Variants in NELL2 observed in about 807,000 individuals in gnomAD.
NELL2 encodes neural EGFL like 2, also known as protein kinase C-binding protein NELL2.
A neutral mutation model predicts 109.6 loss-of-function variants in NELL2; 41 were observed. The ratio of observed to expected loss-of-function variants is 0.37; its 90% CI spans 0.29 to 0.49. The LOEUF (loss-of-function observed/expected upper bound fraction) is 0.49, where lower values mean the gene tolerates loss of function less well. Among genes scored for constraint, NELL2 ranks in the 20% least tolerant of loss-of-function variants. NELL2 has a pLI of 0.98. For missense variants in NELL2, 900 were observed against 1,008.3 expected (o/e 0.89, Z 1.45); for synonymous variants, 355 against 344.7 (o/e 1.03, Z -0.33).
chr12:44,648,180 A>G lies in NELL2; in HGVS notation c.1444+17304T>C, dbSNP rs185072606. 8.5e-4 allele frequency among the ~76,000 whole-genome samples: 130 copies of G among 152,336 alleles called. 1 individual carries two copies. The highest frequency in any genetic ancestry group is 2.4e-3 in the African/African-American group (98 of 41,578). On this transcript the variant is annotated intron_variant, in intron 13 of 19. Transcript: ENST00000429094. ...GGAAGCACTGAAGCTTCCTCCCACT[A>G]GAAAGAAGGTTCAGCATATGCCTTC...
chr12:44,519,141 A>T (rs568899517), intron 19 of NELL2, among the ~76,000 whole-genome samples: 2 of 152,370 alleles, frequency 1.3e-5, no homozygotes, highest in East Asian at 3.9e-4. Context: ...ACTTAAAAAA[A>T]TCAGAGCAGT....
intron 9 of NELL2, among the ~76,000 whole-genome samples, chr12:44,729,934 G>A (rs1401684170): frequency 6.6e-6 from 1 of 152,104 alleles, no homozygotes; most frequent in East Asian, 1.9e-4. Flanking sequence ...AGGATTACAG[G>A]TGCCTGCCCC....
At chr12:44,645,427 T>A (rs1192570279) in intron 13 of NELL2, among the ~76,000 whole-genome samples, 1 of 152,182 alleles carries the variant, frequency 6.6e-6, no homozygotes, top group African/African-American at 2.4e-5. Flanking sequence ...ATTTGAGCTT[T>A]TTATTTTGAA....
intron 2 of NELL2, among the ~76,000 whole-genome samples, chr12:44,857,013 T>C (rs1944704003): frequency 6.6e-6 from 1 of 152,138 alleles, no homozygotes; most frequent in Admixed American, 6.5e-5. Context: ...CAGATTACTT[T>C]ACACAAAAAA....
At chr12:44,570,023 C>T (rs1353031273) in intron 15 of NELL2, among the ~76,000 whole-genome samples, 1 of 152,110 alleles carries the variant, frequency 6.6e-6, no homozygotes, top group African/African-American at 2.4e-5. Flanking sequence ...AAGCAGGTAA[C>T]TTTTTCTTCT....
At chr12:44,775,930 C>G in intron 8 of NELL2, 92 bp downstream of exon 8, 1 of 1,456,240 alleles carries the variant, frequency 6.9e-7, no homozygotes, top group African/African-American at 1.4e-5. Flanking sequence ...GGAAATGGGT[C>G]TTGAAATTTT....
In NELL2 at chr12:44,729,156, A is replaced by T. The variant is rs545512666; in HGVS notation, c.995-14415T>A. ...ATAACTTAAAGATAAAAACATAAAG[A>T]TAACAACTATAAAAATATGTTAATG... is the stretch of plus-strand genomic sequence containing the variant. On this transcript the variant is annotated intron_variant, in intron 9 of 19. Coordinates refer to ENST00000429094, the MANE Select transcript of NELL2 (RefSeq NM_001145108.2). 1.1e-4 allele frequency among the ~76,000 whole-genome samples: 16 copies of T among 152,290 alleles called. No individual in the cohort carries two copies. In the South Asian group the frequency reaches 3.3e-3, roughly 32 times the overall value.
intron 2 of NELL2, 133 bp from the exon 3 acceptor site, chr12:44,816,269 T>C (rs1943346987): frequency 1.5e-6 from 1 of 684,434 alleles, no homozygotes; most frequent in East Asian, 2.9e-5. Flanking sequence ...TTCAGACTCT[T>C]GGTAAATTAT....
intron 12 of NELL2, among the ~76,000 whole-genome samples, chr12:44,668,185 A>G (rs903049978): frequency 1.3e-5 from 2 of 152,040 alleles, no homozygotes; most frequent in African/African-American, 4.8e-5. Flanking sequence ...ACTCTAGTCC[A>G]CACAATGTCC....
At chr12:44,705,485 G>C (rs1210633323) in intron 11 of NELL2, among the ~76,000 whole-genome samples, 2 of 152,140 alleles carry the variant, frequency 1.3e-5, no homozygotes, top group Non-Finnish European at 2.9e-5. Flanking sequence ...ACATTTAAAA[G>C]TAAAATTCTT....
At chr12:44,571,072 A>G (rs1169203848) in intron 15 of NELL2, among the ~76,000 whole-genome samples, 1 of 152,146 alleles carries the variant, frequency 6.6e-6, no homozygotes, top group Non-Finnish European at 1.5e-5. Context: ...ATACTAAGAG[A>G]AAAAAGGCAG....
rs184189164 is a variant in NELL2, at chr12:44,738,663, G to A, written c.995-23922C>T. 3.3e-4 allele frequency among the ~76,000 whole-genome samples: 50 copies of A among 151,518 alleles called. 1 individual carries two copies. In the South Asian group the frequency reaches 4.6e-3, roughly 14 times the overall value. ...TAGATGCCATGGGCCGTGGTCAGGG[G>A]GAAGGAGAGGAATGAAAGGATGTTG... On this transcript the variant is annotated intron_variant, in intron 9 of 19. Transcript: ENST00000429094.
At chr12:44,900,871 C>A (rs1215626663) in intron 1 of NELL2, among the ~76,000 whole-genome samples, 4 of 152,034 alleles carry the variant, frequency 2.6e-5, no homozygotes. Flanking sequence ...CAGCTGTAGT[C>A]CCAGCTACTC....
chr12:44,718,842 G>A (rs1938619963), intron 9 of NELL2, among the ~76,000 whole-genome samples: 1 of 152,064 alleles, frequency 6.6e-6, no homozygotes. Context: ...ATATTTACTC[G>A]ACTCTAGTAG....
chr12:44,834,288 C>T (rs2136731253), intron 2 of NELL2, among the ~76,000 whole-genome samples: 1 of 152,158 alleles, frequency 6.6e-6, no homozygotes, highest in Non-Finnish European at 1.5e-5. Context: ...TTGTTTTTCT[C>T]ACAATTTCTT....
chr12:44,883,813 C>T (rs2136861684), intron 1 of NELL2, among the ~76,000 whole-genome samples: 1 of 151,762 alleles, frequency 6.6e-6, no homozygotes, highest in African/African-American at 2.4e-5. Flanking sequence ...ACCCAAAATC[C>T]TATAATATAA....
intron 13 of NELL2, among the ~76,000 whole-genome samples, chr12:44,630,710 G>C (rs1255932677): frequency 1.3e-5 from 2 of 152,026 alleles, no homozygotes; most frequent in Non-Finnish European, 2.9e-5. Context: ...CACATCAAGA[G>C]AACAGTCATA....
intron 15 of NELL2, among the ~76,000 whole-genome samples, chr12:44,606,366 T>A (rs1400767550): frequency 6.6e-6 from 1 of 152,142 alleles, no homozygotes; most frequent in Non-Finnish European, 1.5e-5. Flanking sequence ...AAAAGCAGTA[T>A]GAGATGACAA....
At chr12:44,828,774 T>C (rs550186721) in intron 2 of NELL2, among the ~76,000 whole-genome samples, 2 of 152,252 alleles carry the variant, frequency 1.3e-5, no homozygotes, top group East Asian at 1.9e-4. Flanking sequence ...AAAATTAAAG[T>C]ATTAAGATTT....
Sources: allele counts gnomAD v4.1 joint callset (sites outside exome capture counted in the v4.1 genomes callset), GRCh38; gene constraint gnomAD v4.1.1; transcripts MANE v1.5; gene names NCBI Gene and HGNC (gene_info 2026-07-23, HGNC 2026-07-21).